DMTN: variants seen among roughly 807,000 people sequenced by gnomAD.
The protein encoded by DMTN is dematin actin binding protein.
A neutral mutation model predicts 59.4 loss-of-function variants in DMTN; 27 were observed. That is an observed-to-expected ratio of 0.45 (90% CI 0.33 to 0.63). The LOEUF (loss-of-function observed/expected upper bound fraction) is 0.63, where lower values mean the gene tolerates loss of function less well. Among genes scored for constraint, DMTN ranks in the 20% least tolerant of loss-of-function variants. DMTN has a pLI of 0.02. For synonymous variants in DMTN, 221 were observed against 203.7 expected (o/e 1.08, Z -0.72); for missense variants, 451 against 528.9 (o/e 0.85, Z 1.45).
chr8:22,072,562 C>A, intron 9 of DMTN, 112 bp downstream of exon 9: 2 of 1,093,090 alleles, frequency 1.8e-6, no homozygotes, highest in Non-Finnish European at 2.5e-6. Flanking sequence ...CTCCCAGGTT[C>A]AAGTGATTCT....
intron 10 of DMTN, among the ~76,000 whole-genome samples, chr8:22,079,915 C>T (rs1044793638): frequency 6.6e-6 from 1 of 152,116 alleles, no homozygotes; most frequent in African/African-American, 2.4e-5. Context: ...ATTTTCACAT[C>T]AGGCATTGGG....
At chr8:22,078,798 G>GTTTTTGTT (rs1554561324) in intron 10 of DMTN, among the ~76,000 whole-genome samples, 4 of 85,092 alleles carry the variant, frequency 4.7e-5, no homozygotes, top group African/African-American at 1.8e-4. Context: ...ATGTCAGACT[G>GTTTTTGTT]TTTTTTTTTT....
intron 1 of DMTN, among the ~76,000 whole-genome samples, 185 bp downstream of exon 1, chr8:22,057,321 T>C (rs1279390562): frequency 6.6e-6 from 1 of 152,130 alleles, no homozygotes; most frequent in Admixed American, 6.5e-5. Flanking sequence ...CCTTCTGATC[T>C]GGGGAAGAGG....
At chr8:22,068,613 G>A (rs76546736) in intron 4 of DMTN, among the ~76,000 whole-genome samples, 1,736 of 151,896 alleles carry the variant, frequency 0.011, 12 homozygotes, top group Non-Finnish European at 0.013. Context: ...AGACAAGAGA[G>A]AAGAAAGTGG....
intron 8 of DMTN, among the ~76,000 whole-genome samples, chr8:22,071,945 G>A (rs1235070513): frequency 2.0e-5 from 3 of 151,894 alleles, no homozygotes; most frequent in African/African-American, 7.3e-5. Flanking sequence ...CCAGGATGGA[G>A]TGCAGTGACT....
In DMTN at chr8:22,069,877, A is replaced by G. The variant is rs1182138032; in HGVS notation, c.395-4A>G. The G allele has an allele frequency of 1.2e-6, 2 of 1,613,572 alleles. No individual in the cohort carries two copies. Among genetic ancestry groups the G allele is most frequent in the African/African-American group, 2.7e-5 (2 of 74,766 alleles). ...CTCCTCCTCATCTGTTCTTCCTCCCACAGAGACCTCCCGCCCAGATTCCAA... is the reference window on the plus strand; with the variant it reads ...CTCCTCCTCATCTGTTCTTCCTCCCGCAGAGACCTCCCGCCCAGATTCCAA... On this transcript the variant is annotated splice_polypyrimidine_tract_variant and splice_region_variant and intron_variant, in intron 6 of 15. Transcript: ENST00000358242.
At chr8:22,050,549 A>C (rs1801243561), upstream of DMTN, among the ~76,000 whole-genome samples, 1 of 129,280 alleles carries the variant, frequency 7.7e-6, no homozygotes, top group Admixed American at 7.6e-5. Flanking sequence ...CCTCTCTTTG[A>C]CCTCCCCGGT....
chr8:22,076,388 T>C (rs1210886509), intron 10 of DMTN, among the ~76,000 whole-genome samples: 1 of 152,042 alleles, frequency 6.6e-6, no homozygotes. Flanking sequence ...GAGGACTGCT[T>C]CAAGTCAGGA....
Position 22,066,873 on chromosome 8 carries a change from T to A in DMTN, c.-3T>A. ...GTGACCCGGCGGGCGAGCTCCGTGC[T>A]GCATGGAACGGCTGCAGAAGGTGCG... On this transcript the variant is annotated 5_prime_UTR_variant, in exon 2 of 16. Transcript: ENST00000358242. 1.5e-6 allele frequency: 2 copies of A among 1,350,422 alleles called. No homozygotes were observed. Among genetic ancestry groups the A allele is most frequent in the South Asian group, 3.6e-5 (2 of 56,232 alleles). The allele number at this position is 1,350,422 out of a possible 1,614,324, so 83.7% of individuals were successfully genotyped here. A position where few individuals can be genotyped will look rare whatever the true frequency, so the allele number is the denominator to read the frequency against.
Position 22,067,702 on chromosome 8 carries a change from G to GGAGGA in DMTN, c.249+20_249+21insGAGGA. On this transcript the variant is annotated intron_variant, in intron 4 of 15. Transcript: ENST00000358242. ...CGCGAGGTGAGGGGGCTCCTCTTGG[G>GGAGGA]CAGGACTCCGGGGGAGGCCCCCCCC... 2 of 1,611,800 alleles carry GGAGGA rather than the reference G, an allele frequency of 1.2e-6. No homozygotes were observed. Among genetic ancestry groups the GGAGGA allele is most frequent in the Non-Finnish European group, 1.7e-6 (2 of 1,179,650 alleles).
intron 1 of DMTN, among the ~76,000 whole-genome samples, chr8:22,061,240 G>T (rs907851159): frequency 1.4e-5 from 2 of 147,950 alleles, no homozygotes; most frequent in Non-Finnish European, 3.0e-5. Context: ...CTATGATCAT[G>T]CCACAGTGCT....
intron 1 of DMTN, among the ~76,000 whole-genome samples, chr8:22,064,091 C>T (rs7014415): frequency 0.032 from 4,890 of 150,532 alleles, 92 homozygotes; most frequent in African/African-American, 0.043. Context: ...GATGCAGGGA[C>T]GGATGGATGG....
chr8:22,066,723 A>G lies in DMTN; in HGVS notation c.-153A>G. On this transcript the variant is annotated 5_prime_UTR_variant, in exon 2 of 16. Transcript: ENST00000358242. ...CCCGCAGCCTGGAGAGTCACCGCCG[A>G]GGGATGAGGACGCGCCAGCCCGGGG... The G allele has an allele frequency of 1.3e-6, 1 of 778,618 alleles. No homozygotes were observed. The allele number at this position is 778,618 out of a possible 1,614,324, so 48.2% of individuals were successfully genotyped here. A position where few individuals can be genotyped will look rare whatever the true frequency, so the allele number is the denominator to read the frequency against.
At position 22,067,174 on chromosome 8, in the gene DMTN, C is replaced by T. The variant is rs747655867; in HGVS notation, c.93+15C>T. On this transcript the variant is annotated intron_variant, in intron 3 of 15. Coordinates refer to ENST00000358242, the MANE Select transcript of DMTN (RefSeq NM_001387751.1). ...CCAGCATCGTGGTGAGTACCCCTCT[C>T]GGCCACCAGCAACCCCTGGCTGGGA... The T allele has an allele frequency of 3.7e-6, 6 of 1,608,524 alleles. No individual in the cohort carries two copies. The highest frequency in any genetic ancestry group is 2.7e-5 in the African/African-American group (2 of 74,488).
chr8:22,069,175 G>A (rs948958668), intron 5 of DMTN, 115 bp downstream of exon 5: 9 of 1,253,624 alleles, frequency 7.2e-6, no homozygotes, highest in African/African-American at 3.1e-5. Context: ...CCGAATCAGC[G>A]GCCCCCTGGC....
In DMTN at chr8:22,072,511, CT is replaced by C. The variant is rs1816403339; in HGVS notation, c.729+62del. Reference sequence around the variant, plus strand: ...CAGGAGTCTCGCTCTGTTGCCCAGGCTGGCATGCAGTGGCATGATCTCAGAT... The same window carrying C: ...CAGGAGTCTCGCTCTGTTGCCCAGGCGGCATGCAGTGGCATGATCTCAGAT... On this transcript the variant is annotated intron_variant, in intron 9 of 15. Coordinates refer to ENST00000358242, the MANE Select transcript of DMTN (RefSeq NM_001387751.1). The C allele has an allele frequency of 3.3e-5, 49 of 1,479,572 alleles. No homozygotes were observed. In the South Asian group the frequency reaches 6.1e-4, roughly 18 times the overall value. 91.7% of individuals were successfully genotyped at this position (1,479,572 alleles called of 1,614,324 possible).
intron 6 of DMTN, 141 bp downstream of exon 6, chr8:22,069,659 C>A: frequency 1.1e-6 from 1 of 896,058 alleles, no homozygotes; most frequent in Non-Finnish European, 1.7e-6. Flanking sequence ...AGGACCCCTC[C>A]CAGAGATGGG....
intron 10 of DMTN, among the ~76,000 whole-genome samples, chr8:22,079,475 A>G (rs1322791966): frequency 2.6e-5 from 4 of 151,404 alleles, no homozygotes; most frequent in Non-Finnish European, 5.9e-5. Flanking sequence ...AAACAAACAA[A>G]CAAATATGAA....
At chr8:22,065,553 G>C (rs1312834282) in intron 1 of DMTN, among the ~76,000 whole-genome samples, 1 of 152,098 alleles carries the variant, frequency 6.6e-6, no homozygotes, top group East Asian at 1.9e-4. Context: ...TCAAAAGCAG[G>C]AAGGTAGGGC....
Sources: allele counts gnomAD v4.1 joint callset (sites outside exome capture counted in the v4.1 genomes callset), GRCh38; gene constraint gnomAD v4.1.1; transcripts MANE v1.5; gene names NCBI Gene and HGNC (gene_info 2026-07-23, HGNC 2026-07-21).